TMEM164: variants seen among roughly 807,000 people sequenced by gnomAD.
The protein encoded by TMEM164 is RP13-360B22.2.
Under a neutral mutation model 18.8 loss-of-function variants are expected in TMEM164, and 4 were observed. The ratio of observed to expected loss-of-function variants is 0.21; its 90% CI spans 0.10 to 0.49. TMEM164 has a LOEUF of 0.49. Among genes scored for constraint, TMEM164 ranks in the 20% least tolerant of loss-of-function variants. The pLI, the probability that TMEM164 is intolerant of heterozygous loss-of-function variation, is 0.98. For missense variants in TMEM164, 108 were observed against 239.9 expected, an observed-to-expected ratio of 0.45 and a Z score of 3.63; for synonymous variants, 86 against 101.7, an observed-to-expected ratio of 0.85 and a Z score of 0.93.
At position 110,128,429 on chromosome X, in the gene TMEM164, A is replaced by G. The variant is rs192925336; in HGVS notation, c.508-16369A>G. Among the ~76,000 whole-genome samples, 20 of 112,281 alleles carry G rather than the reference A, an allele frequency of 1.8e-4. No individual in the cohort carries two copies. In the East Asian group the frequency reaches 5.3e-3, roughly 30 times the overall value. The stretch of plus-strand genomic sequence containing the variant: ...AGTGGTCAGCCTTTTTACTCCTTTG[A>G]AAGTAATCTTTTCAGGTCACTTTTG... On this transcript the variant is annotated intron_variant, in intron 4 of 6. Coordinates refer to ENST00000372068, the MANE Select transcript of TMEM164 (RefSeq NM_032227.4).
intron 2 of TMEM164, among the ~76,000 whole-genome samples, chrX:110,061,799 G>GT (rs748529393): frequency 9.0e-6 from 1 of 111,532 alleles, no homozygotes; most frequent in African/African-American, 3.3e-5. Context: ...CAGAATGGGC[G>GT]TTTAACCGTG....
At chrX:110,046,083 T>C in intron 2 of TMEM164, 1 of 754,319 alleles carries the variant, frequency 1.3e-6, no homozygotes, top group South Asian at 6.7e-5. Context: ...TCAACAACAG[T>C]TGGTTTACAT....
intron 2 of TMEM164, among the ~76,000 whole-genome samples, chrX:110,045,877 A>G (rs1011157944): frequency 3.6e-5 from 4 of 111,578 alleles, no homozygotes; most frequent in African/African-American, 1.3e-4. Context: ...TCCTACAGAC[A>G]CCATGAACCC....
intron 3 of TMEM164, among the ~76,000 whole-genome samples, chrX:110,070,607 A>C (rs957928736): frequency 9.1e-6 from 1 of 110,171 alleles, no homozygotes; most frequent in African/African-American, 3.3e-5. Context: ...CTTTTCTGCC[A>C]GGTGCAGTGA....
intron 2 of TMEM164, among the ~76,000 whole-genome samples, chrX:110,014,953 CAGG>C (rs1329406972): frequency 9.1e-6 from 1 of 110,001 alleles, no homozygotes; most frequent in African/African-American, 3.3e-5. Context: ...GTGCTGCTTT[CAGG>C]AGAAGACTTC....
rs1000526737 is a variant in TMEM164, at chrX:110,061,833, A to T, written c.391-5514A>T. 2.7e-5 allele frequency among the ~76,000 whole-genome samples: 3 copies of T among 111,801 alleles called. No individual in the cohort carries two copies. The Admixed American group carries it at 2.9e-4, about 11-fold the overall frequency. ...TGGAGTGTAAGGGAAGCTTTCCTGG[A>T]GAAAATAGTTTAATTTTGCATTTGA... On this transcript the variant is annotated intron_variant, in intron 2 of 6. Transcript: ENST00000372068.
chrX:110,067,278 A>C lies in TMEM164; in HGVS notation c.391-69A>C, dbSNP rs182891568. On this transcript the variant is annotated intron_variant, in intron 2 of 6. Coordinates refer to ENST00000372068, the MANE Select transcript of TMEM164 (RefSeq NM_032227.4). ...TTTTGGTTATTTTTTGTTATTGTTA[A>C]AGTAACATTGTCTCACTCTGTCTGG... 4,067 of 1,039,752 alleles carry C rather than the reference A, an allele frequency of 3.9e-3. 44 individuals carry two copies. The South Asian group carries it at 0.041, about 10-fold the overall frequency. The allele number at this position is 1,039,752 out of a possible 1,213,427, so 85.7% of individuals were successfully genotyped here.
intron 3 of TMEM164, among the ~76,000 whole-genome samples, chrX:110,094,157 T>C (rs1001527706): frequency 8.9e-6 from 1 of 112,399 alleles, no homozygotes; most frequent in African/African-American, 3.2e-5. Flanking sequence ...GAAGAATGTA[T>C]ATTCTGTTGA....
intron 2 of TMEM164, among the ~76,000 whole-genome samples, chrX:110,004,448 G>A (rs148819227): frequency 0.015 from 1,684 of 110,720 alleles, 17 homozygotes; most frequent in Non-Finnish European, 0.022. Flanking sequence ...CAACCCTGCC[G>A]TGCCCTGGGC....
intron 3 of TMEM164, among the ~76,000 whole-genome samples, chrX:110,105,685 C>CACAG (rs1556006078): frequency 9.2e-5 from 8 of 86,650 alleles, no homozygotes; most frequent in Admixed American, 5.1e-4. Flanking sequence ...CACAGACACA[C>CACAG]ACACACACAC....
intron 5 of TMEM164, among the ~76,000 whole-genome samples, chrX:110,161,927 G>A (rs973554219): frequency 1.8e-5 from 2 of 112,601 alleles, no homozygotes; most frequent in Non-Finnish European, 3.8e-5. Flanking sequence ...AGTAGTATCT[G>A]CCTAACCAGG....
intron 3 of TMEM164, among the ~76,000 whole-genome samples, chrX:110,071,716 CAAAAA>C (rs59182790): frequency 8.5e-4 from 37 of 43,358 alleles, no homozygotes; most frequent in East Asian, 3.1e-3. Context: ...TTTGTCTCTA[CAAAAA>C]AAAAAAAAAA....
chrX:110,175,129 T>C lies in TMEM164; in HGVS notation c.*1678T>C, dbSNP rs1243253058. On this transcript the variant is annotated 3_prime_UTR_variant, in exon 7 of 7. Coordinates refer to ENST00000372068, the MANE Select transcript of TMEM164 (RefSeq NM_032227.4). ...GCTCCTTTTGATGCGTAAGCTTTGT[T>C]TTTGGCCCTCTTTGAAGGCAGGGCC... is the stretch of plus-strand genomic sequence containing the variant. 8.9e-6 allele frequency: 1 copy of C among 112,568 alleles called. No individual in the cohort carries two copies. The highest frequency in any genetic ancestry group is 3.2e-5 in the African/African-American group (1 of 30,973). 9.3% of individuals were successfully genotyped at this position (112,568 alleles called of 1,213,427 possible).
intron 4 of TMEM164, among the ~76,000 whole-genome samples, chrX:110,129,620 A>G (rs1348396955): frequency 8.9e-6 from 1 of 112,840 alleles, no homozygotes; most frequent in African/African-American, 3.2e-5. Context: ...GGATGTTTTC[A>G]GTGGTAGATT....
At chrX:110,130,314 A>AT (rs750789435) in intron 4 of TMEM164, among the ~76,000 whole-genome samples, 1 of 111,419 alleles carries the variant, frequency 9.0e-6, no homozygotes, top group Admixed American at 9.5e-5. Flanking sequence ...AAGAACATGG[A>AT]CTCTGAAGTC....
At chrX:110,122,066 C>T (rs372082085) in intron 4 of TMEM164, among the ~76,000 whole-genome samples, 3 of 111,297 alleles carry the variant, frequency 2.7e-5, no homozygotes, top group Non-Finnish European at 3.8e-5. Flanking sequence ...CCAGCCATCC[C>T]GTTACTGGGT....
intron 4 of TMEM164, among the ~76,000 whole-genome samples, chrX:110,117,744 T>G (rs1470360182): frequency 8.9e-6 from 1 of 112,290 alleles, no homozygotes; most frequent in Admixed American, 9.4e-5. Flanking sequence ...AGCTAATCAT[T>G]TTACCAGCTT....
At chrX:110,124,638 G>T (rs1308117604) in intron 4 of TMEM164, among the ~76,000 whole-genome samples, 1 of 111,730 alleles carries the variant, frequency 9.0e-6, no homozygotes, top group Non-Finnish European at 1.9e-5. Context: ...CGTAAGCTAG[G>T]AGGTCCTATG....
chrX:110,125,435 T>G (rs1569340149), intron 4 of TMEM164, among the ~76,000 whole-genome samples: 2 of 111,850 alleles, frequency 1.8e-5, no homozygotes, highest in Admixed American at 9.5e-5. Flanking sequence ...TCCTGGTAAT[T>G]TTCCTCCACT....
Sources: gnomAD v4.1 joint callset for allele counts (sites outside exome capture counted in the v4.1 genomes callset) on GRCh38, gnomAD v4.1.1 for gene constraint, MANE v1.5 for transcripts, NCBI Gene and HGNC (gene_info 2026-07-23, HGNC 2026-07-21) for gene names.